RANBP2: variants seen among roughly 807,000 people sequenced by gnomAD.
RANBP2 encodes the protein RAN binding protein 2.
In RANBP2, 57 loss-of-function variants were observed where a neutral mutation model predicts 303.6. The observed-to-expected ratio is 0.19, with a 90% CI of 0.15 to 0.23. RANBP2 has a LOEUF of 0.23. Among genes scored for constraint, RANBP2 ranks in the 10% least tolerant of loss-of-function variants. The pLI, the probability that RANBP2 is intolerant of heterozygous loss-of-function variation, is 1.00. For missense variants in RANBP2, 3,138 were observed against 3,780.8 expected, an observed-to-expected ratio of 0.83 and a Z score of 4.46; for synonymous variants, 1,167 against 1,301.5, an observed-to-expected ratio of 0.90 and a Z score of 2.23.
At chr2:109,262,615 T>G in the RANBP2 span, among the ~76,000 whole-genome samples, 2 of 152,256 alleles carry the variant, frequency 1.3e-5, no homozygotes, top group Non-Finnish European at 2.9e-5. Context: ...AGCAATTGTA[T>G]GTCTACAACT....
At chr2:109,489,527 CT>C in the RANBP2 span, among the ~76,000 whole-genome samples, 1 of 152,216 alleles carries the variant, frequency 6.6e-6, no homozygotes, top group East Asian at 1.9e-4. Flanking sequence ...ATGACATTGA[CT>C]GCTGGTTCCT....
the RANBP2 span, among the ~76,000 whole-genome samples, chr2:108,833,784 G>C: frequency 6.9e-6 from 1 of 144,460 alleles, no homozygotes; most frequent in East Asian, 2.0e-4. Context: ...CTGGAGTGCA[G>C]TGGCGTGATC....
At chr2:109,186,117 C>G in the RANBP2 span, among the ~76,000 whole-genome samples, 2 of 152,256 alleles carry the variant, frequency 1.3e-5, no homozygotes, top group Non-Finnish European at 1.5e-5. Flanking sequence ...AGGGCAGGCC[C>G]TGTCTCTGTG....
At chr2:109,020,041 CTGTT>C in the RANBP2 span, among the ~76,000 whole-genome samples, 2 of 152,196 alleles carry the variant, frequency 1.3e-5, no homozygotes, top group Non-Finnish European at 2.9e-5. Flanking sequence ...GGGAACAACT[CTGTT>C]TGAACAGGTA....
the RANBP2 span, among the ~76,000 whole-genome samples, chr2:109,675,958 C>T: frequency 6.6e-6 from 1 of 152,222 alleles, no homozygotes; most frequent in Admixed American, 6.5e-5. Flanking sequence ...AGAGGGAGCA[C>T]GTGGATCAGT....
the RANBP2 span, among the ~76,000 whole-genome samples, chr2:109,394,094 T>C: frequency 2.6e-5 from 4 of 152,144 alleles, no homozygotes. Flanking sequence ...TAAAGAGCAC[T>C]CTAAACCAAG....
downstream of RANBP2, among the ~76,000 whole-genome samples, chr2:108,790,350 ATAATC>A (rs1355860611): frequency 2.6e-5 from 4 of 152,186 alleles, no homozygotes; most frequent in Admixed American, 6.5e-5. Context: ...ACTCTAAACT[ATAATC>A]TAAAGGTTTT....
chr2:108,820,307 G>A, the RANBP2 span, among the ~76,000 whole-genome samples: 1 of 152,092 alleles, frequency 6.6e-6, no homozygotes, highest in Non-Finnish European at 1.5e-5. Flanking sequence ...ACGAAGAAAA[G>A]TGACGACAGT....
the RANBP2 span, among the ~76,000 whole-genome samples, chr2:109,181,984 A>G: frequency 2.6e-5 from 4 of 152,182 alleles, no homozygotes; most frequent in African/African-American, 9.7e-5. Context: ...ATGTTTGCTC[A>G]TTGCTCAGGG....
At chr2:109,378,740 A>G in the RANBP2 span, among the ~76,000 whole-genome samples, 1 of 151,638 alleles carries the variant, frequency 6.6e-6, no homozygotes, top group African/African-American at 2.4e-5. Flanking sequence ...AACCTTCTCT[A>G]CTCCATGCCC....
chr2:109,394,878 G>A, the RANBP2 span, among the ~76,000 whole-genome samples: 1 of 152,242 alleles, frequency 6.6e-6, no homozygotes, highest in Non-Finnish European at 1.5e-5. Context: ...GCAGAGTGAG[G>A]AGCTGGGAAA....
chr2:108,934,351 G>T, the RANBP2 span, among the ~76,000 whole-genome samples: 7 of 152,250 alleles, frequency 4.6e-5, no homozygotes, highest in East Asian at 1.2e-3. Context: ...GCTCCCAGTC[G>T]TGATCTCCTG....
At chr2:109,059,929 T>C in the RANBP2 span, among the ~76,000 whole-genome samples, 2 of 152,224 alleles carry the variant, frequency 1.3e-5, no homozygotes, top group African/African-American at 2.4e-5. Flanking sequence ...GGTTGTCGTA[T>C]CCTAACCCTG....
chr2:109,508,619 G>A, the RANBP2 span, among the ~76,000 whole-genome samples: 1 of 151,904 alleles, frequency 6.6e-6, no homozygotes, highest in Admixed American at 6.6e-5. Flanking sequence ...GTAACGTTCT[G>A]TAATGTTCCA....
chr2:109,430,647 A>AG, the RANBP2 span, among the ~76,000 whole-genome samples: 1 of 151,830 alleles, frequency 6.6e-6, no homozygotes, highest in African/African-American at 2.4e-5. Flanking sequence ...TGTCATTTTC[A>AG]CTGGACTTTT....
the RANBP2 span, among the ~76,000 whole-genome samples, chr2:109,590,312 C>T: frequency 9.9e-5 from 15 of 152,090 alleles, no homozygotes; most frequent in Admixed American, 4.6e-4. Context: ...TTAAATCAAA[C>T]GCTAACCTAG....
chr2:108,950,230 TCCCTCCC>T, the RANBP2 span, among the ~76,000 whole-genome samples: 1,155 of 117,384 alleles, frequency 9.8e-3, 9 homozygotes, highest in South Asian at 0.042. Flanking sequence ...CCTTCCTTCC[TCCCTCCC>T]TCCTCCCTCC....
chr2:108,857,066 C>CTTTTTT, the RANBP2 span: 54 of 44,104 alleles, frequency 1.2e-3, 5 homozygotes, highest in African/African-American at 3.3e-3. Context: ...GATACTATTG[C>CTTTTTT]TTTTTTTTTT....
chr2:108,826,437 A>G, the RANBP2 span, among the ~76,000 whole-genome samples: 2 of 152,144 alleles, frequency 1.3e-5, no homozygotes, highest in African/African-American at 2.4e-5. Flanking sequence ...TTTCATATAT[A>G]GTGTTGGAGG....
Sources: allele counts gnomAD v4.1 joint callset (sites outside exome capture counted in the v4.1 genomes callset), GRCh38; gene constraint gnomAD v4.1.1; transcripts MANE v1.5; gene names NCBI Gene and HGNC (gene_info 2026-07-23, HGNC 2026-07-21).